STX18: variants seen among roughly 807,000 people sequenced by gnomAD.
STX18 encodes the protein syntaxin 18, also known as syntaxin-18.
Under a neutral mutation model 50.1 loss-of-function variants are expected in STX18, and 40 were observed. That is an observed-to-expected ratio of 0.80 (90% CI 0.62 to 1.04). The LOEUF is 1.04. Ranked by LOEUF, STX18 falls within the 50% of genes least tolerant of loss-of-function variation. The pLI is 0.00. For missense variants in STX18, 410 were observed against 415.8 expected (o/e 0.99, Z 0.12); for synonymous variants, 158 against 151.8 (o/e 1.04, Z -0.30).
chr4:4,491,707 AGCCTAGTGAT>A (rs1728949854), intron 1 of STX18, among the ~76,000 whole-genome samples: 1 of 152,152 alleles, frequency 6.6e-6, no homozygotes, highest in South Asian at 2.1e-4. Context: ...GTTGATCACA[AGCCTAGTGAT>A]GCCACCTAAT....
chr4:4,535,690 G>C (rs1242141596), intron 1 of STX18, among the ~76,000 whole-genome samples: 1 of 152,110 alleles, frequency 6.6e-6, no homozygotes, highest in African/African-American at 2.4e-5. Flanking sequence ...AAATCTATAT[G>C]ATTCAGCACA....
chr4:4,447,404 A>C (rs1014885874), intron 5 of STX18, among the ~76,000 whole-genome samples: 19 of 151,750 alleles, frequency 1.3e-4, no homozygotes, highest in Non-Finnish European at 2.7e-4. Flanking sequence ...CCTGGCTAAC[A>C]CGGTGAAACC....
At chr4:4,445,078 A>G (rs1178089844) in intron 5 of STX18, among the ~76,000 whole-genome samples, 1 of 152,220 alleles carries the variant, frequency 6.6e-6, no homozygotes, top group African/African-American at 2.4e-5. Flanking sequence ...CACATATGGT[A>G]TGATTATGTA....
intron 5 of STX18, among the ~76,000 whole-genome samples, chr4:4,448,894 A>G (rs1726582737): frequency 6.6e-6 from 1 of 151,782 alleles, no homozygotes; most frequent in East Asian, 1.9e-4. Flanking sequence ...TATCCCTTTC[A>G]TTTTTCTGAG....
chr4:4,453,896 C>T (rs1726911867), intron 5 of STX18, among the ~76,000 whole-genome samples: 1 of 152,208 alleles, frequency 6.6e-6, no homozygotes, highest in South Asian at 2.1e-4. Context: ...CCCAGTGCTA[C>T]TCCAAGTGTG....
chr4:4,466,910 G>C (rs1462251310), intron 2 of STX18, among the ~76,000 whole-genome samples: 1 of 152,096 alleles, frequency 6.6e-6, no homozygotes, highest in Non-Finnish European at 1.5e-5. Flanking sequence ...AGCCAGTTTG[G>C]TGGGCAGGGG....
chr4:4,451,808 A>G (rs758742966), intron 5 of STX18, among the ~76,000 whole-genome samples: 1 of 152,276 alleles, frequency 6.6e-6, no homozygotes, highest in African/African-American at 2.4e-5. Context: ...ACACAGGCCA[A>G]TGAATAACCC....
intron 1 of STX18, among the ~76,000 whole-genome samples, chr4:4,520,660 T>C (rs1730466403): frequency 6.6e-6 from 1 of 152,184 alleles, no homozygotes; most frequent in African/African-American, 2.4e-5. Flanking sequence ...TGGCCTTTGT[T>C]TGTGTTTACT....
Position 4,459,474 on chromosome 4 carries a change from CAG to C in STX18, c.248_249del (p.Ser83Ter). 1.2e-6 allele frequency: 2 copies of C among 1,613,606 alleles called. No individual in the cohort carries two copies. Among genetic ancestry groups the C allele is most frequent in the Non-Finnish European group, 8.5e-7 (1 of 1,179,584 alleles). On this transcript the variant is annotated frameshift_variant, in exon 3 of 11. Coordinates refer to ENST00000306200, the MANE Select transcript of STX18 (RefSeq NM_016930.4). LOFTEE classifies it high-confidence loss of function. Reference protein sequence around the residue: ...DYINAYSHTMSEYGRMTDTER... With the variant: ...DYINAYSHTMXEYGRMTDTER... ...TCTGTGTCTGTCATCCTCCCATATT[CAG>C]ACATGGTATGGCTAAAAAAAGACAG...
At chr4:4,496,041 G>A (rs979830926) in intron 1 of STX18, among the ~76,000 whole-genome samples, 3 of 151,994 alleles carry the variant, frequency 2.0e-5, no homozygotes, top group African/African-American at 4.8e-5. Context: ...ATTAAGACAC[G>A]TTAAACTTTC....
intron 3 of STX18, among the ~76,000 whole-genome samples, chr4:4,458,902 T>G (rs1727220000): frequency 6.6e-6 from 1 of 152,162 alleles, no homozygotes; most frequent in Admixed American, 6.6e-5. Flanking sequence ...CTTGAAGGTT[T>G]GATAGGAAAG....
chr4:4,421,767 T>C (rs769482668), intron 9 of STX18, among the ~76,000 whole-genome samples: 39 of 152,326 alleles, frequency 2.6e-4, no homozygotes, highest in Admixed American at 7.2e-4. Flanking sequence ...GCTTCAAAAA[T>C]AGTGCTTTGT....
At chr4:4,429,469 G>A (rs538118905) in intron 7 of STX18, among the ~76,000 whole-genome samples, 2 of 152,246 alleles carry the variant, frequency 1.3e-5, no homozygotes, top group East Asian at 3.9e-4. Flanking sequence ...GCCAAGAGAA[G>A]TATTTGTGTC....
At chr4:4,426,178 C>G (rs780985871) in intron 7 of STX18, 1 of 152,248 alleles carries the variant, frequency 6.6e-6, no homozygotes, top group Non-Finnish European at 1.5e-5. Flanking sequence ...TAGCGCCCAA[C>G]GGTCCCTTTC....
chr4:4,472,109 G>A (rs973461945), intron 1 of STX18, among the ~76,000 whole-genome samples: 3 of 152,180 alleles, frequency 2.0e-5, no homozygotes, highest in Non-Finnish European at 2.9e-5. Context: ...AAGCTGTTGC[G>A]TTTGTAAATA....
chr4:4,475,482 AC>A (rs978043305), intron 1 of STX18, among the ~76,000 whole-genome samples: 10 of 149,926 alleles, frequency 6.7e-5, no homozygotes, highest in East Asian at 3.9e-4. Flanking sequence ...AAAAAAAAAA[AC>A]ATGACAAATC....
chr4:4,480,261 G>A (rs1269979873), intron 1 of STX18, among the ~76,000 whole-genome samples: 1 of 152,166 alleles, frequency 6.6e-6, no homozygotes, highest in Non-Finnish European at 1.5e-5. Flanking sequence ...CAAAAAGGGT[G>A]AATCTTCCCA....
chr4:4,425,553 T>C, intron 7 of STX18: 1 of 407,246 alleles, frequency 2.5e-6, no homozygotes, highest in South Asian at 4.2e-5. Flanking sequence ...CTGACTCTAG[T>C]ACCATTATTA....
Position 4,541,862 on chromosome 4 carries a change from G to T in STX18, c.103C>A (p.Arg35=), listed in dbSNP as rs1205265919. 1 of 1,610,230 alleles carries T rather than the reference G, an allele frequency of 6.2e-7. No individual in the cohort carries two copies. The highest frequency in any genetic ancestry group is 1.1e-5 in the South Asian group (1 of 90,818). Reference sequence around the variant, plus strand: ...GGGCTCCGGCGGAACAGCTCGTCCCGGCTGCCATCGACCCCGCCGCCCACC... The same window carrying T: ...GGGCTCCGGCGGAACAGCTCGTCCCTGCTGCCATCGACCCCGCCGCCCACC... ...VAVGGGVDGS[R]DELFRRSPRP... is the part of the protein sequence containing the mutation. The change falls in exon 1 of 11, where the codon CGG becomes AGG. Residue 35 remains arginine, a synonymous_variant. Coordinates refer to ENST00000306200, the MANE Select transcript of STX18 (RefSeq NM_016930.4).
Sources: gnomAD v4.1 joint callset for allele counts (sites outside exome capture counted in the v4.1 genomes callset) on GRCh38, gnomAD v4.1.1 for gene constraint, MANE v1.5 for transcripts, NCBI Gene and HGNC (gene_info 2026-07-23, HGNC 2026-07-21) for gene names.